WWOX: variants seen among roughly 807,000 people sequenced by gnomAD.
The protein encoded by WWOX is WW domain containing oxidoreductase.
WWOX carries 69 observed loss-of-function variants against 46.2 expected under a neutral mutation model. The ratio of observed to expected loss-of-function variants is 1.49; its 90% confidence interval spans 1.23 to 1.82. WWOX has a LOEUF of 1.82. Among genes scored for constraint, WWOX ranks in the 40% most tolerant of loss-of-function variants. The pLI, the probability that WWOX is intolerant of heterozygous loss-of-function variation, is 0.00. For missense variants in WWOX, 919 were observed against 542.6 expected, an observed-to-expected ratio of 1.69 and a Z score of -6.89; for synonymous variants, 359 against 202.6, an observed-to-expected ratio of 1.77 and a Z score of -6.56.
intron 6 of WWOX, among the ~76,000 whole-genome samples, chr16:78,392,686 G>C (rs141197751): frequency 2.0e-5 from 3 of 152,086 alleles, no homozygotes; most frequent in Non-Finnish European, 4.4e-5. Flanking sequence ...TCCTGTGAAA[G>C]GGTAGATAAC....
At chr16:78,235,851 G>T (rs2037420535) in intron 5 of WWOX, among the ~76,000 whole-genome samples, 1 of 152,216 alleles carries the variant, frequency 6.6e-6, no homozygotes, top group Admixed American at 6.5e-5. Context: ...CTGGGAACCT[G>T]TGAGTGGGCT....
At chr16:78,720,484 T>TTTA (rs1555522993) in intron 8 of WWOX, among the ~76,000 whole-genome samples, 1 of 151,864 alleles carries the variant, frequency 6.6e-6, no homozygotes, top group East Asian at 1.9e-4. Flanking sequence ...CTTTTTTTTT[T>TTTA]ATGACACTTT....
chr16:78,877,577 G>T (rs910181486), intron 8 of WWOX, among the ~76,000 whole-genome samples: 2 of 152,132 alleles, frequency 1.3e-5, no homozygotes, highest in Non-Finnish European at 2.9e-5. Context: ...TATTCCTTGT[G>T]GCACTTATTA....
intron 8 of WWOX, among the ~76,000 whole-genome samples, chr16:78,748,353 T>C (rs188458467): frequency 6.6e-6 from 1 of 152,364 alleles, no homozygotes; most frequent in East Asian, 1.9e-4. Context: ...TGGAAGTGCT[T>C]CACTTTTTAT....
chr16:79,202,267 T>C (rs2051369740), intron 8 of WWOX, among the ~76,000 whole-genome samples: 1 of 152,170 alleles, frequency 6.6e-6, no homozygotes, highest in Non-Finnish European at 1.5e-5. Context: ...GGGTGGCACT[T>C]AGTAGTGTTG....
intron 8 of WWOX, among the ~76,000 whole-genome samples, chr16:78,469,441 G>C (rs1468426401): frequency 6.6e-6 from 1 of 152,192 alleles, no homozygotes; most frequent in African/African-American, 2.4e-5. Flanking sequence ...GAGCAACAAG[G>C]AGACTAGTGT....
chr16:78,855,903 G>C (rs542494274), intron 8 of WWOX, among the ~76,000 whole-genome samples: 2 of 152,126 alleles, frequency 1.3e-5, no homozygotes, highest in Non-Finnish European at 2.9e-5. Context: ...CATGTAACTC[G>C]AAGTCTTTTA....
chr16:79,016,180 T>A (rs2047408412), intron 8 of WWOX: 1 of 152,220 alleles, frequency 6.6e-6, no homozygotes, highest in Non-Finnish European at 1.5e-5. Flanking sequence ...AAAGAAAGGA[T>A]CTACTGGCAG....
At chr16:78,900,548 A>G (rs991018388) in intron 8 of WWOX, among the ~76,000 whole-genome samples, 1 of 152,188 alleles carries the variant, frequency 6.6e-6, no homozygotes, top group Non-Finnish European at 1.5e-5. Context: ...AGAGGTTCCA[A>G]TTTGGATATT....
At chr16:78,862,065 T>C (rs1008814364) in intron 8 of WWOX, among the ~76,000 whole-genome samples, 7 of 152,074 alleles carry the variant, frequency 4.6e-5, no homozygotes, top group Admixed American at 2.0e-4. Flanking sequence ...GAGAGAGATA[T>C]ATGCATATCT....
At chr16:78,426,991 C>G (rs1189751748) in intron 7 of WWOX, among the ~76,000 whole-genome samples, 1 of 152,142 alleles carries the variant, frequency 6.6e-6, no homozygotes, top group Non-Finnish European at 1.5e-5. Context: ...GGTGTTTTAA[C>G]AAAATGGCAA....
intron 8 of WWOX, among the ~76,000 whole-genome samples, chr16:78,987,441 T>G (rs1005089656): frequency 4.6e-5 from 7 of 152,250 alleles, no homozygotes; most frequent in Admixed American, 1.3e-4. Flanking sequence ...TATTTTGTCC[T>G]TTTTTCTTTT....
chr16:78,388,996 G>A (rs1441935243), intron 6 of WWOX, among the ~76,000 whole-genome samples: 4 of 151,812 alleles, frequency 2.6e-5, no homozygotes, highest in East Asian at 3.9e-4. Context: ...ATTGACTCAG[G>A]CTCTTGCTGG....
Position 79,144,180 on chromosome 16 carries a change from A to T in WWOX, c.1057-67428A>T, listed in dbSNP as rs754384526. Among the ~76,000 whole-genome samples, 4 of 152,190 alleles carry T rather than the reference A, an allele frequency of 2.6e-5. No individual in the cohort carries two copies. In the East Asian group the frequency reaches 7.7e-4, roughly 29 times the overall value. On this transcript the variant is annotated intron_variant, in intron 8 of 8. Transcript: ENST00000566780. ...CTCCCAAAGTGTGGAGATTACAGGC[A>T]TGAGCCACTGCACACAGCCAAGGTC...
At chr16:78,362,071 G>C (rs2081421292) in intron 5 of WWOX, among the ~76,000 whole-genome samples, 1 of 150,886 alleles carries the variant, frequency 6.6e-6, no homozygotes, top group Non-Finnish European at 1.5e-5. Context: ...ATTTTAATGG[G>C]GTGATTTTTT....
At chr16:78,928,269 C>A (rs920619039) in intron 8 of WWOX, among the ~76,000 whole-genome samples, 1 of 146,460 alleles carries the variant, frequency 6.8e-6, no homozygotes, top group African/African-American at 2.6e-5. Context: ...GTGGCGCGAT[C>A]TCGGCTCACT....
intron 8 of WWOX, among the ~76,000 whole-genome samples, chr16:78,842,629 C>T (rs2052188375): frequency 6.6e-6 from 1 of 152,084 alleles, no homozygotes; most frequent in Non-Finnish European, 1.5e-5. Context: ...TTTGGGAGGT[C>T]AAGGCGGATG....
At chr16:78,354,495 T>G (rs1597085257) in intron 5 of WWOX, among the ~76,000 whole-genome samples, 2 of 152,128 alleles carry the variant, frequency 1.3e-5, no homozygotes, top group East Asian at 3.9e-4. Flanking sequence ...TATTGAAAAC[T>G]TGTATAAACT....
intron 8 of WWOX, among the ~76,000 whole-genome samples, chr16:78,989,551 C>G (rs1437130290): frequency 2.0e-5 from 3 of 152,186 alleles, no homozygotes; most frequent in East Asian, 1.9e-4. Flanking sequence ...TGGTTCAGCT[C>G]TCAAAAATGT....
Sources: gnomAD v4.1 joint callset for allele counts (sites outside exome capture counted in the v4.1 genomes callset) on GRCh38, gnomAD v4.1.1 for gene constraint, MANE v1.5 for transcripts, NCBI Gene and HGNC (gene_info 2026-07-23, HGNC 2026-07-21) for gene names.